The following PTPN12 variants were observed in gnomAD, a reference collection of about 807,000 sequenced individuals.
The protein encoded by PTPN12 is tyrosine-protein phosphatase non-receptor type 12.
PTPN12 carries 29 observed loss-of-function variants against 97.6 expected under a neutral mutation model. The ratio of observed to expected loss-of-function variants is 0.30; its 90% CI spans 0.22 to 0.41. The LOEUF is 0.41. Ranked by LOEUF, PTPN12 falls within the 10% of genes least tolerant of loss-of-function variation. The probability of loss-of-function intolerance (pLI) is 1.00; values close to 1 mark genes in which losing one functional copy is unlikely to be tolerated. For missense variants in PTPN12, 819 were observed against 926.0 expected (o/e 0.88, Z 1.50); for synonymous variants, 327 against 300.4 (o/e 1.09, Z -0.91).
intron 1 of PTPN12, among the ~76,000 whole-genome samples, chr7:77,561,317 A>G (rs1314785134): frequency 6.6e-6 from 1 of 152,206 alleles, no homozygotes; most frequent in Non-Finnish European, 1.5e-5. Context: ...AATCATCTAT[A>G]TGAAATACTT....
At chr7:77,613,986 G>T (rs369457141) in intron 11 of PTPN12, among the ~76,000 whole-genome samples, 1 of 152,082 alleles carries the variant, frequency 6.6e-6, no homozygotes, top group African/African-American at 2.4e-5. Context: ...CAACCTCCCG[G>T]ACTCAAGCTT....
chr7:77,626,592 T>G, intron 12 of PTPN12, 113 bp from the exon 13 acceptor site: 2 of 1,196,098 alleles, frequency 1.7e-6, no homozygotes, highest in Non-Finnish European at 2.3e-6. Flanking sequence ...CTGCAGTTTT[T>G]ATTCGCAACC....
intron 11 of PTPN12, among the ~76,000 whole-genome samples, chr7:77,617,841 T>A (rs925008994): frequency 2.0e-5 from 3 of 152,202 alleles, no homozygotes; most frequent in Non-Finnish European, 2.9e-5. Flanking sequence ...ATGTTAATGA[T>A]GTTATTGGTC....
At position 77,570,465 on chromosome 7, in the gene PTPN12, G is replaced by C. The variant is rs1003433088; in HGVS notation, c.100-613G>C. 2.0e-5 allele frequency among the ~76,000 whole-genome samples: 3 copies of C among 152,182 alleles called. No individual in the cohort carries two copies. The South Asian group carries it at 6.2e-4, about 31-fold the overall frequency. On this transcript the variant is annotated intron_variant, in intron 1 of 17. Transcript: ENST00000248594. ...TTCAGTGCTTCTGAAAGCAGGAAGT[G>C]TATTACTGACACGCAGAAATATTCC...
At chr7:77,628,894 G>T (rs1223499108) in intron 13 of PTPN12, among the ~76,000 whole-genome samples, 1 of 152,118 alleles carries the variant, frequency 6.6e-6, no homozygotes, top group East Asian at 1.9e-4. Context: ...TGTAGTGCTT[G>T]TATTTTCTCT....
intron 11 of PTPN12, among the ~76,000 whole-genome samples, chr7:77,614,735 A>G (rs1788693790): frequency 6.6e-6 from 1 of 152,192 alleles, no homozygotes; most frequent in Non-Finnish European, 1.5e-5. Context: ...TGGAATCTGA[A>G]AAATTGAGAA....
In PTPN12 at chr7:77,639,532, GTTAATATAGTAATACC is replaced by G. The variant is rs1188508938; in HGVS notation, c.*255_*270del. On this transcript the variant is annotated 3_prime_UTR_variant, in exon 18 of 18. Transcript: ENST00000248594. The stretch of plus-strand genomic sequence containing the variant: ...CCTGTTACACGCTGCTTGTAGACAT[GTTAATATAGTAATACC>G]TTTATGATATATTGAGTTTAAGGAC... The G allele has an allele frequency of 3.1e-5, 13 of 417,958 alleles. No homozygotes were observed. Among genetic ancestry groups the G allele is most frequent in the African/African-American group, 2.6e-4 (13 of 49,858 alleles). The allele number at this position is 417,958 out of a possible 1,614,324, so 25.9% of individuals were successfully genotyped here. A position where few individuals can be genotyped will look rare whatever the true frequency, so the allele number is the denominator to read the frequency against.
At chr7:77,577,387 G>A (rs1178782056) in intron 2 of PTPN12, among the ~76,000 whole-genome samples, 1 of 152,038 alleles carries the variant, frequency 6.6e-6, no homozygotes, top group Non-Finnish European at 1.5e-5. Flanking sequence ...TTCATTCCAT[G>A]GTAGCTATTT....
At chr7:77,593,948 T>C (rs4729548) in intron 6 of PTPN12, among the ~76,000 whole-genome samples, 33,533 of 152,200 alleles carry the variant, frequency 0.22, 4,742 homozygotes, top group East Asian at 0.7. Context: ...GACTTAGTTA[T>C]ACTCATGACT....
chr7:77,618,050 G>T (rs555175979), intron 11 of PTPN12, among the ~76,000 whole-genome samples: 1 of 152,198 alleles, frequency 6.6e-6, no homozygotes, highest in Non-Finnish European at 1.5e-5. Context: ...AGGTAGTAAT[G>T]GGGAGTCATA....
chr7:77,594,596 C>G (rs1287558580), intron 6 of PTPN12, among the ~76,000 whole-genome samples: 1 of 152,162 alleles, frequency 6.6e-6, no homozygotes, highest in East Asian at 1.9e-4. Flanking sequence ...ACTGCAGCCT[C>G]AATCCCCCAG....
intron 16 of PTPN12, among the ~76,000 whole-genome samples, chr7:77,637,732 C>T (rs1789644554): frequency 6.6e-6 from 1 of 151,012 alleles, no homozygotes. Flanking sequence ...TGCCATCTGC[C>T]TGTAATCCCA....
chr7:77,543,557 T>G (rs570622998), intron 1 of PTPN12, among the ~76,000 whole-genome samples: 1 of 152,286 alleles, frequency 6.6e-6, no homozygotes, highest in South Asian at 2.1e-4. Context: ...TAAGATTTAT[T>G]CATTTAAAGT....
intron 11 of PTPN12, among the ~76,000 whole-genome samples, chr7:77,612,029 C>T (rs936901491): frequency 3.5e-5 from 5 of 143,136 alleles, no homozygotes; most frequent in Non-Finnish European, 6.0e-5. Context: ...GTCATTGAGT[C>T]TATGATAACT....
Position 77,598,042 on chromosome 7 carries a change from A to G in PTPN12, c.552+141A>G, listed in dbSNP as rs544970841. ...CAGGGGTTCAAGACTAGCCTGGGCA[A>G]CATAGTGAGATCTTGTGTCTACAAA... On this transcript the variant is annotated intron_variant, in intron 7 of 17. Transcript: ENST00000248594. The G allele has an allele frequency of 7.4e-5, 83 of 1,127,152 alleles. No individual in the cohort carries two copies. The African/African-American group carries it at 1.2e-3, about 17-fold the overall frequency. 69.8% of individuals were successfully genotyped at this position (1,127,152 alleles called of 1,614,324 possible). A position where few individuals can be genotyped will look rare whatever the true frequency, so the allele number is the denominator to read the frequency against.
At chr7:77,633,465 T>C (rs1171804515) in intron 14 of PTPN12, among the ~76,000 whole-genome samples, 1 of 151,542 alleles carries the variant, frequency 6.6e-6, no homozygotes, top group Non-Finnish European at 1.5e-5. Flanking sequence ...AAAAATTAGC[T>C]GTGTGTGGTG....
intron 2 of PTPN12, among the ~76,000 whole-genome samples, chr7:77,579,373 C>A (rs1394308855): frequency 6.6e-6 from 1 of 152,156 alleles, no homozygotes; most frequent in Non-Finnish European, 1.5e-5. Context: ...GATCCGCCCA[C>A]CTTGGCCTCC....
chr7:77,579,861 A>G (rs187568725), intron 2 of PTPN12, among the ~76,000 whole-genome samples: 3 of 152,360 alleles, frequency 2.0e-5, no homozygotes, highest in African/African-American at 7.2e-5. Context: ...AATCCTTTGC[A>G]TAATTCAAGA....
intron 14 of PTPN12, among the ~76,000 whole-genome samples, chr7:77,634,768 CAG>C (rs1789529806): frequency 6.6e-6 from 1 of 151,144 alleles, no homozygotes; most frequent in African/African-American, 2.4e-5. Flanking sequence ...TTAGTAGAGA[CAG>C]GGTTTCACCA....
Sources: allele counts gnomAD v4.1 joint callset (sites outside exome capture counted in the v4.1 genomes callset), GRCh38; gene constraint gnomAD v4.1.1; transcripts MANE v1.5; gene names NCBI Gene and HGNC (gene_info 2026-07-23, HGNC 2026-07-21).